PPFIA2: variants seen among roughly 807,000 people sequenced by gnomAD.
The protein encoded by PPFIA2 is PPFI scaffold protein A2, also known as liprin-alpha-2.
In PPFIA2, 46 loss-of-function variants were observed where a neutral mutation model predicts 175.5. The observed-to-expected ratio is 0.26, with a 90% CI of 0.21 to 0.34. The LOEUF (loss-of-function observed/expected upper bound fraction) is 0.34, where lower values mean the gene tolerates loss of function less well. PPFIA2 is among the 10% of genes least tolerant of loss of function. The pLI is 1.00. For synonymous variants in PPFIA2, 568 were observed against 511.4 expected, an observed-to-expected ratio of 1.11 and a Z score of -1.49; for missense variants, 1,179 against 1,506.1, an observed-to-expected ratio of 0.78 and a Z score of 3.60.
intron 5 of PPFIA2, among the ~76,000 whole-genome samples, chr12:81,447,643 A>T (rs541122247): frequency 6.6e-6 from 1 of 152,244 alleles, no homozygotes; most frequent in South Asian, 2.1e-4. Context: ...AATTTAAACA[A>T]ATTTTTCTAC....
At chr12:81,542,791 A>G (rs2066417847) in intron 4 of PPFIA2, among the ~76,000 whole-genome samples, 1 of 152,134 alleles carries the variant, frequency 6.6e-6, no homozygotes, top group Non-Finnish European at 1.5e-5. Flanking sequence ...TCTGGAAGCC[A>G]TTCTTTTGCA....
intron 4 of PPFIA2, among the ~76,000 whole-genome samples, chr12:81,482,004 C>T (rs1021531062): frequency 2.6e-5 from 4 of 151,986 alleles, no homozygotes; most frequent in Non-Finnish European, 5.9e-5. Context: ...TGACAAAGGG[C>T]TAATATCCAG....
intron 7 of PPFIA2, among the ~76,000 whole-genome samples, chr12:81,415,394 T>C (rs1168196241): frequency 1.3e-5 from 2 of 148,398 alleles, no homozygotes; most frequent in Non-Finnish European, 3.0e-5. Flanking sequence ...CCAATTCCTA[T>C]ACAGATAAAT....
At chr12:81,648,359 A>C (rs1159737334) in intron 4 of PPFIA2, among the ~76,000 whole-genome samples, 1 of 152,090 alleles carries the variant, frequency 6.6e-6, no homozygotes, top group Non-Finnish European at 1.5e-5. Flanking sequence ...ATGTAAAAAA[A>C]GCTATTAGAA....
intron 4 of PPFIA2, among the ~76,000 whole-genome samples, chr12:81,497,339 C>T (rs560099328): frequency 5.9e-5 from 9 of 152,088 alleles, no homozygotes; most frequent in Non-Finnish European, 1.2e-4. Flanking sequence ...CAGTGTCTTC[C>T]TTTTTTATCT....
At chr12:81,572,296 T>G (rs960074282) in intron 4 of PPFIA2, among the ~76,000 whole-genome samples, 10 of 152,026 alleles carry the variant, frequency 6.6e-5, no homozygotes, top group Admixed American at 5.9e-4. Flanking sequence ...TAAGCCTTCC[T>G]TGGACCACCC....
At chr12:81,401,871 T>C (rs2142762029) in intron 8 of PPFIA2, among the ~76,000 whole-genome samples, 1 of 152,302 alleles carries the variant, frequency 6.6e-6, no homozygotes, top group South Asian at 2.1e-4. Context: ...TCCTTGAATA[T>C]TTATATTCTT....
chr12:81,284,752 C>T (rs766794409), intron 24 of PPFIA2, among the ~76,000 whole-genome samples: 5 of 151,930 alleles, frequency 3.3e-5, no homozygotes, highest in Non-Finnish European at 5.9e-5. Context: ...TTTTGATTCT[C>T]GATATCCTTT....
chr12:81,641,215 A>G (rs576178113), intron 4 of PPFIA2, among the ~76,000 whole-genome samples: 1 of 152,296 alleles, frequency 6.6e-6, no homozygotes, highest in South Asian at 2.1e-4. Context: ...GTATTTAACC[A>G]CATAAATTTT....
intron 4 of PPFIA2, among the ~76,000 whole-genome samples, chr12:81,657,401 A>G (rs2067960269): frequency 6.6e-6 from 1 of 152,166 alleles, no homozygotes; most frequent in Non-Finnish European, 1.5e-5. Context: ...TGGAGAAGCA[A>G]CAGAAGCTAC....
At chr12:81,517,250 A>G (rs1269056814) in intron 4 of PPFIA2, among the ~76,000 whole-genome samples, 2 of 152,112 alleles carry the variant, frequency 1.3e-5, no homozygotes, top group Non-Finnish European at 2.9e-5. Context: ...ATAGACTTTA[A>G]GCCAAACATT....
chr12:81,680,752 C>A lies in PPFIA2; in HGVS notation c.250-3908G>T, dbSNP rs2073465788. Reference sequence around the variant, plus strand: ...CAGTATGGAATTGGCTCCTACCTAACAATACAGCCCACTTCTCTTGTTGCC... The same window carrying A: ...CAGTATGGAATTGGCTCCTACCTAAAAATACAGCCCACTTCTCTTGTTGCC... On this transcript the variant is annotated intron_variant, in intron 3 of 32. Coordinates refer to ENST00000549396, the MANE Select transcript of PPFIA2 (RefSeq NM_003625.5). 2.0e-5 allele frequency among the ~76,000 whole-genome samples: 3 copies of A among 152,094 alleles called. No homozygotes were observed. The South Asian group carries it at 6.2e-4, about 31-fold the overall frequency.
chr12:81,348,619 C>T (rs1429129421), intron 17 of PPFIA2, among the ~76,000 whole-genome samples: 1 of 152,040 alleles, frequency 6.6e-6, no homozygotes, highest in Non-Finnish European at 1.5e-5. Context: ...GCCTGTAATC[C>T]CAGCTACTCG....
intron 14 of PPFIA2, among the ~76,000 whole-genome samples, chr12:81,365,400 C>A (rs1159220441): frequency 6.6e-6 from 1 of 151,656 alleles, no homozygotes; most frequent in African/African-American, 2.4e-5. Context: ...AGCAAGGATG[C>A]AAAGCATGGC....
At chr12:81,596,140 A>T (rs1201326957) in intron 4 of PPFIA2, among the ~76,000 whole-genome samples, 1 of 152,120 alleles carries the variant, frequency 6.6e-6, no homozygotes, top group Non-Finnish European at 1.5e-5. Flanking sequence ...TAGGTAAGAA[A>T]ATCATTTAAT....
intron 3 of PPFIA2, among the ~76,000 whole-genome samples, chr12:81,720,428 T>C (rs895691372): frequency 6.6e-6 from 1 of 151,440 alleles, no homozygotes. Flanking sequence ...ATGGGTAGAA[T>C]ATAAAACTTC....
intron 4 of PPFIA2, among the ~76,000 whole-genome samples, chr12:81,643,902 T>C (rs192548627): frequency 1.3e-5 from 2 of 152,118 alleles, no homozygotes; most frequent in East Asian, 3.9e-4. Flanking sequence ...AGGGCTGTTT[T>C]CCAGTTCTGA....
chr12:81,547,010 G>A (rs1031507142), intron 4 of PPFIA2, among the ~76,000 whole-genome samples: 1 of 152,094 alleles, frequency 6.6e-6, no homozygotes, highest in African/African-American at 2.4e-5. Flanking sequence ...AGTGAGAAGC[G>A]TGGCAGATGC....
chr12:81,573,758 C>T (rs12304357), intron 4 of PPFIA2, among the ~76,000 whole-genome samples: 14,765 of 151,852 alleles, frequency 0.097, 1,302 homozygotes, highest in African/African-American at 0.23. Flanking sequence ...TAAAATGCTC[C>T]TGTAGAACAG....
Sources: gnomAD v4.1 joint callset for allele counts (sites outside exome capture counted in the v4.1 genomes callset) on GRCh38, gnomAD v4.1.1 for gene constraint, MANE v1.5 for transcripts, NCBI Gene and HGNC (gene_info 2026-07-23, HGNC 2026-07-21) for gene names.